PPARGC1A: variants seen among roughly 807,000 people sequenced by gnomAD.
PPARGC1A encodes peroxisome proliferator-activated receptor gamma coactivator 1-alpha.
A neutral mutation model predicts 88.7 loss-of-function variants in PPARGC1A; 25 were observed. That is an observed-to-expected ratio of 0.28 (90% CI 0.21 to 0.39). The LOEUF is 0.39. Ranked by LOEUF, PPARGC1A falls within the 10% of genes least tolerant of loss-of-function variation. The probability of loss-of-function intolerance (pLI) is 1.00; values close to 1 mark genes in which losing one functional copy is unlikely to be tolerated. For synonymous variants in PPARGC1A, 363 were observed against 355.6 expected (o/e 1.02, Z -0.24); for missense variants, 880 against 968.7 (o/e 0.91, Z 1.22).
chr4:24,327,976 T>C, the PPARGC1A span, among the ~76,000 whole-genome samples: 1 of 152,110 alleles, frequency 6.6e-6, no homozygotes, highest in African/African-American at 2.4e-5. Flanking sequence ...TTCCTTCTCC[T>C]GGCTCAGAAG....
At chr4:24,112,713 C>T in the PPARGC1A span, among the ~76,000 whole-genome samples, 5 of 152,224 alleles carry the variant, frequency 3.3e-5, no homozygotes, top group African/African-American at 7.2e-5. Flanking sequence ...GGATGCATCA[C>T]TTGAAGTCAT....
chr4:24,061,330 C>T, the PPARGC1A span, among the ~76,000 whole-genome samples: 1 of 152,186 alleles, frequency 6.6e-6, no homozygotes, highest in African/African-American at 2.4e-5. Context: ...TTCATTCAGG[C>T]AACTCAGGAA....
chr4:24,403,975 T>C, the PPARGC1A span, among the ~76,000 whole-genome samples: 1 of 152,136 alleles, frequency 6.6e-6, no homozygotes, highest in East Asian at 1.9e-4. Context: ...CTTTAAAAGG[T>C]GACTGAGGCC....
At chr4:23,805,187 C>T (rs969853899) in intron 10 of PPARGC1A, among the ~76,000 whole-genome samples, 2 of 150,312 alleles carry the variant, frequency 1.3e-5, no homozygotes, top group African/African-American at 4.9e-5. Flanking sequence ...TGAGACTCTC[C>T]AATACAAAGG....
At chr4:24,300,131 T>A in the PPARGC1A span, among the ~76,000 whole-genome samples, 1 of 152,148 alleles carries the variant, frequency 6.6e-6, no homozygotes, top group Non-Finnish European at 1.5e-5. Flanking sequence ...CTTTCCTGCC[T>A]TCGTTATCTA....
the PPARGC1A span, among the ~76,000 whole-genome samples, chr4:24,030,735 T>G: frequency 6.6e-6 from 1 of 152,162 alleles, no homozygotes; most frequent in Non-Finnish European, 1.5e-5. Context: ...AAAAACTGCC[T>G]GCCTCATCTC....
the PPARGC1A span, among the ~76,000 whole-genome samples, chr4:24,265,353 GA>G: frequency 2.0e-5 from 3 of 152,088 alleles, no homozygotes; most frequent in Non-Finnish European, 4.4e-5. Context: ...GCATTTGGGG[GA>G]AATGTCGGCA....
chr4:23,908,772 T>C (rs1433068746), upstream of PPARGC1A, among the ~76,000 whole-genome samples: 1 of 152,154 alleles, frequency 6.6e-6, no homozygotes, highest in Non-Finnish European at 1.5e-5. Context: ...TGGGGTCCAA[T>C]AACTACCTTA....
the PPARGC1A span, among the ~76,000 whole-genome samples, chr4:24,370,269 A>T: frequency 6.6e-6 from 1 of 152,302 alleles, no homozygotes; most frequent in Non-Finnish European, 1.5e-5. Context: ...AGATTAAGCC[A>T]CATGAAACTA....
chr4:24,101,937 G>A, the PPARGC1A span, among the ~76,000 whole-genome samples: 2 of 149,522 alleles, frequency 1.3e-5, no homozygotes, highest in Non-Finnish European at 1.5e-5. Context: ...ACGATTGAGA[G>A]ATGAGAAAAA....
At chr4:24,406,976 C>G in the PPARGC1A span, among the ~76,000 whole-genome samples, 2 of 152,186 alleles carry the variant, frequency 1.3e-5, no homozygotes, top group Non-Finnish European at 2.9e-5. Flanking sequence ...CAGGCAGGAA[C>G]CTTTCTCTGT....
chr4:24,462,155 G>A, the PPARGC1A span, among the ~76,000 whole-genome samples: 3 of 151,862 alleles, frequency 2.0e-5, no homozygotes, highest in African/African-American at 7.3e-5. Context: ...GCGGGATCTC[G>A]GCTCACTGCA....
the PPARGC1A span, among the ~76,000 whole-genome samples, chr4:24,310,439 G>A: frequency 1.3e-5 from 2 of 152,144 alleles, no homozygotes; most frequent in Admixed American, 6.5e-5. Context: ...GTTACCTGCA[G>A]GATGGTAAAG....
the PPARGC1A span, among the ~76,000 whole-genome samples, chr4:24,033,162 A>G: frequency 1.3e-5 from 2 of 152,126 alleles, no homozygotes; most frequent in East Asian, 3.8e-4. Flanking sequence ...CTGTGTCCCA[A>G]GTCCACCACT....
the PPARGC1A span, among the ~76,000 whole-genome samples, chr4:24,160,642 C>T: frequency 6.6e-6 from 1 of 152,202 alleles, no homozygotes; most frequent in African/African-American, 2.4e-5. Context: ...CACCTTACCA[C>T]AATCTGAACT....
At chr4:24,148,243 T>C in the PPARGC1A span, among the ~76,000 whole-genome samples, 1 of 152,208 alleles carries the variant, frequency 6.6e-6, no homozygotes, top group African/African-American at 2.4e-5. Flanking sequence ...CTGCTTTGGA[T>C]CTAAGATGCA....
the PPARGC1A span, among the ~76,000 whole-genome samples, chr4:24,036,658 T>C: frequency 6.6e-6 from 1 of 152,040 alleles, no homozygotes; most frequent in Non-Finnish European, 1.5e-5. Flanking sequence ...AATGATTCCA[T>C]TTCTGTGAAG....
At chr4:24,209,996 G>A in the PPARGC1A span, among the ~76,000 whole-genome samples, 3,098 of 152,208 alleles carry the variant, frequency 0.02, 118 homozygotes, top group African/African-American at 0.071. Context: ...TGTAAAACGG[G>A]AAGAAGAACA....
chr4:23,941,217 A>C, the PPARGC1A span, among the ~76,000 whole-genome samples: 3 of 151,714 alleles, frequency 2.0e-5, no homozygotes, highest in East Asian at 3.9e-4. Flanking sequence ...ACACCCAACA[A>C]ATTTTTTTAA....
Sources: gnomAD v4.1 joint callset for allele counts (sites outside exome capture counted in the v4.1 genomes callset) on GRCh38, gnomAD v4.1.1 for gene constraint, MANE v1.5 for transcripts, NCBI Gene and HGNC (gene_info 2026-07-23, HGNC 2026-07-21) for gene names.